Variants in RIC1 observed in about 807,000 individuals in gnomAD.
RIC1 encodes guanine nucleotide exchange factor subunit RIC1.
In RIC1, 88 loss-of-function variants were observed where a neutral mutation model predicts 169.0. The observed-to-expected ratio is 0.52, with a 90% CI of 0.44 to 0.62. The LOEUF (loss-of-function observed/expected upper bound fraction) is 0.62. Among genes scored for constraint, RIC1 ranks in the 20% least tolerant of loss-of-function variants. The probability of loss-of-function intolerance (pLI) is 0.00; values close to 1 mark genes in which losing one functional copy is unlikely to be tolerated. For missense variants in RIC1, 1,877 were observed against 1,725.5 expected, an observed-to-expected ratio of 1.09 and a Z score of -1.56; for synonymous variants, 790 against 601.5, an observed-to-expected ratio of 1.31 and a Z score of -4.59.
At chr9:5,707,568 CTT>C (rs1822667046) in intron 3 of RIC1, among the ~76,000 whole-genome samples, 1 of 151,986 alleles carries the variant, frequency 6.6e-6, no homozygotes, top group Non-Finnish European at 1.5e-5. Flanking sequence ...ATTTGAATCT[CTT>C]TATAGGTGTG....
At chr9:5,715,934 G>GTGA (rs1823212706) in intron 4 of RIC1, among the ~76,000 whole-genome samples, 1 of 151,862 alleles carries the variant, frequency 6.6e-6, no homozygotes, top group Admixed American at 6.6e-5. Flanking sequence ...TGCAGCCTCA[G>GTGA]CCTCCTGGGC....
chr9:5,630,694 A>G (rs1193252948), intron 1 of RIC1, among the ~76,000 whole-genome samples: 1 of 152,212 alleles, frequency 6.6e-6, no homozygotes, highest in East Asian at 1.9e-4. Flanking sequence ...TAAAATCGTA[A>G]TACCAACAAT....
chr9:5,672,535 C>T (rs1198372695), intron 2 of RIC1, among the ~76,000 whole-genome samples: 1 of 151,950 alleles, frequency 6.6e-6, no homozygotes, highest in Non-Finnish European at 1.5e-5. Context: ...TGATGTAAGG[C>T]ATATAGAAAT....
chr9:5,655,982 G>A (rs540058108), intron 1 of RIC1, among the ~76,000 whole-genome samples: 117 of 152,072 alleles, frequency 7.7e-4, no homozygotes, highest in African/African-American at 2.7e-3. Flanking sequence ...CTATTCTCCT[G>A]CCTCAGCCTC....
At chr9:5,756,811 C>G (rs1244694213) in intron 16 of RIC1, among the ~76,000 whole-genome samples, 1 of 152,164 alleles carries the variant, frequency 6.6e-6, no homozygotes, top group African/African-American at 2.4e-5. Context: ...AGTAAAAAAT[C>G]AGCAGTGTTG....
intron 3 of RIC1, among the ~76,000 whole-genome samples, chr9:5,701,810 A>G: frequency 6.6e-6 from 1 of 152,158 alleles, no homozygotes; most frequent in East Asian, 1.9e-4. Flanking sequence ...TCATAATTAA[A>G]ATATTGAAGC....
intron 2 of RIC1, among the ~76,000 whole-genome samples, chr9:5,665,416 C>T (rs931917316): frequency 6.6e-6 from 1 of 152,140 alleles, no homozygotes; most frequent in South Asian, 2.1e-4. Context: ...TCGTTGTTAC[C>T]CACCTTCCAA....
chr9:5,695,210 G>GAT (rs1821817699), intron 3 of RIC1, among the ~76,000 whole-genome samples: 1 of 152,188 alleles, frequency 6.6e-6, no homozygotes. Context: ...GGATTGGTGA[G>GAT]ATTTAGCAGG....
chr9:5,725,439 C>A (rs1198916136), intron 6 of RIC1, among the ~76,000 whole-genome samples: 1 of 152,000 alleles, frequency 6.6e-6, no homozygotes, highest in Non-Finnish European at 1.5e-5. Context: ...CTACTTGATT[C>A]TTCTCTCTTT....
intron 12 of RIC1, among the ~76,000 whole-genome samples, chr9:5,752,671 G>C (rs1825792329): frequency 6.6e-6 from 1 of 152,100 alleles, no homozygotes; most frequent in Admixed American, 6.5e-5. Flanking sequence ...CCTGACCTCA[G>C]GTGATCCACC....
intron 7 of RIC1, among the ~76,000 whole-genome samples, chr9:5,733,313 G>A (rs1432508901): frequency 6.6e-6 from 1 of 150,680 alleles, no homozygotes; most frequent in South Asian, 2.1e-4. Context: ...GCCCAGGCTG[G>A]AGTGCAGTGG....
At chr9:5,682,716 A>C (rs1820932295) in intron 2 of RIC1, among the ~76,000 whole-genome samples, 1 of 152,070 alleles carries the variant, frequency 6.6e-6, no homozygotes, top group Admixed American at 6.6e-5. Context: ...GCCTTGCTAG[A>C]TTGGGGAAGT....
chr9:5,771,090 C>T (rs1827185427), intron 23 of RIC1, among the ~76,000 whole-genome samples: 1 of 152,196 alleles, frequency 6.6e-6, no homozygotes. Context: ...CACAATTTAA[C>T]AGCTTAACCG....
chr9:5,641,682 G>C (rs1818258651), intron 1 of RIC1, among the ~76,000 whole-genome samples: 1 of 115,078 alleles, frequency 8.7e-6, no homozygotes, highest in African/African-American at 5.2e-5. Flanking sequence ...TCTTTCTTCT[G>C]CTTGATCAAT....
chr9:5,771,526 T>C (rs917253903), intron 23 of RIC1, among the ~76,000 whole-genome samples: 6 of 152,190 alleles, frequency 3.9e-5, no homozygotes, highest in Non-Finnish European at 7.4e-5. Flanking sequence ...TTTTCAGTTA[T>C]TTTGGGTATA....
chr9:5,708,483 A>G (rs1353752577), intron 3 of RIC1, among the ~76,000 whole-genome samples: 3 of 151,806 alleles, frequency 2.0e-5, no homozygotes, highest in Non-Finnish European at 4.4e-5. Context: ...AATTCCCTCA[A>G]CTTTTTGTTT....
intron 21 of RIC1, among the ~76,000 whole-genome samples, chr9:5,767,958 T>A (rs1430127576): frequency 3.9e-5 from 6 of 152,252 alleles, no homozygotes; most frequent in Non-Finnish European, 8.8e-5. Flanking sequence ...ACATAGGTCC[T>A]ATTTTAAACA....
At chr9:5,738,945 G>C (rs1824902638) in intron 8 of RIC1, among the ~76,000 whole-genome samples, 1 of 152,138 alleles carries the variant, frequency 6.6e-6, no homozygotes, top group East Asian at 1.9e-4. Flanking sequence ...GCCGTCACTT[G>C]GCCCCTGCTA....
chr9:5,753,474 C>G, intron 13 of RIC1, 62 bp from the exon 14 acceptor site: 1 of 1,037,692 alleles, frequency 9.6e-7, no homozygotes, highest in Non-Finnish European at 1.4e-6. Flanking sequence ...ATACTAAGCT[C>G]TTTATGCCTA....
Sources: gnomAD v4.1 joint callset for allele counts (sites outside exome capture counted in the v4.1 genomes callset) on GRCh38, gnomAD v4.1.1 for gene constraint, MANE v1.5 for transcripts, NCBI Gene and HGNC (gene_info 2026-07-23, HGNC 2026-07-21) for gene names.